The following PCDHGA2 variants were observed in gnomAD, a reference collection of about 807,000 sequenced individuals.
PCDHGA2 encodes protocadherin gamma-A2.
In PCDHGA2, 40 loss-of-function variants were observed where a neutral mutation model predicts 59.2. The observed-to-expected ratio is 0.68, with a 90% confidence interval of 0.52 to 0.88. The LOEUF is 0.88. PCDHGA2 is among the 40% of genes least tolerant of loss of function. The pLI, the probability that PCDHGA2 is intolerant of heterozygous loss-of-function variation, is 0.00. For synonymous variants in PCDHGA2, 560 were observed against 526.0 expected, an observed-to-expected ratio of 1.06 and a Z score of -0.89; for missense variants, 1,226 against 1,204.0, an observed-to-expected ratio of 1.02 and a Z score of -0.27.
At position 141,485,968 on chromosome 5, in the gene PCDHGA2, T is replaced by C; in HGVS notation, c.2425-8839T>C. On this transcript the variant is annotated intron_variant, in intron 1 of 3. Coordinates refer to ENST00000394576, the MANE Select transcript of PCDHGA2 (RefSeq NM_018915.4). The surrounding 1 kb of genome is among the most constrained non-coding windows in gnomAD (Gnocchi z 5.7). The stretch of plus-strand genomic sequence containing the variant: ...CGGGCATGGTGCTCATCCAGCTCAA[T>C]GCCTCAGACCCGGACCTGGGTCCCA... 6.2e-7 allele frequency: 1 copy of C among 1,614,216 alleles called. No homozygotes were observed. The highest frequency in any genetic ancestry group is 1.1e-5 in the South Asian group (1 of 91,088).
chr5:141,397,223 TATG>T lies in PCDHGA2; in HGVS notation c.2424+55830_2424+55832del, dbSNP rs543267212. ...ATGACATAAGAGAAGTATTTTGAGA[TATG>T]AAGAAGAGCAACGTAGTAGGGTATA... is the stretch of plus-strand genomic sequence containing the variant. On this transcript the variant is annotated intron_variant, in intron 1 of 3. Coordinates refer to ENST00000394576, the MANE Select transcript of PCDHGA2 (RefSeq NM_018915.4). Among the ~76,000 whole-genome samples, 432 of 152,304 alleles carry T rather than the reference TATG, an allele frequency of 2.8e-3. 2 individuals carry two copies. Among genetic ancestry groups the T allele is most frequent in the Admixed American group, 9.4e-3 (144 of 15,310 alleles).
Position 141,340,101 on chromosome 5 carries a change from G to C in PCDHGA2, c.1130G>C (p.Gly377Ala). Residue 377 changes from glycine to alanine, a missense_variant, in exon 1 of 4, where the codon GGG (glycine) becomes GCG (alanine). Transcript: ENST00000394576. Reference protein sequence around the residue: ...GLFNVHDRDSGQNAFTTCSLP... With the variant: ...GLFNVHDRDSAQNAFTTCSLP... ...TTTAATGTACATGATAGAGACTCTG[G>C]GCAGAACGCATTCACCACCTGTTCA... is the stretch of plus-strand genomic sequence containing the variant. 6.2e-7 allele frequency: 1 copy of C among 1,614,004 alleles called. No individual in the cohort carries two copies. The highest frequency in any genetic ancestry group is 2.2e-5 in the East Asian group (1 of 44,878).
chr5:141,392,750 G>A lies in PCDHGA2; in HGVS notation c.2424+51355G>A, dbSNP rs561923783. On this transcript the variant is annotated intron_variant, in intron 1 of 3. Coordinates refer to ENST00000394576, the MANE Select transcript of PCDHGA2 (RefSeq NM_018915.4). ...ATTGTCATCTCCATAGCTGCGGCAAGAAACTAAATAAGACCCATTTATGCA... is the reference window on the plus strand; with the variant it reads ...ATTGTCATCTCCATAGCTGCGGCAAAAAACTAAATAAGACCCATTTATGCA... 25 of 1,451,824 alleles carry A rather than the reference G, an allele frequency of 1.7e-5. No homozygotes were observed. In the Admixed American group the frequency reaches 4.2e-4, roughly 24 times the overall value. The allele number at this position is 1,451,824 out of a possible 1,614,324, so 89.9% of individuals were successfully genotyped here.
At chr5:141,506,923 C>T (rs1414595306) in intron 3 of PCDHGA2, among the ~76,000 whole-genome samples, 4 of 152,184 alleles carry the variant, frequency 2.6e-5, no homozygotes, top group African/African-American at 9.7e-5. Context: ...ACATACTAAA[C>T]AAACTTTAGG....
At chr5:141,405,377 G>T (rs763495028) in intron 1 of PCDHGA2, 29 of 1,603,350 alleles carry the variant, frequency 1.8e-5, no homozygotes, top group Admixed American at 3.5e-5. Flanking sequence ...TTTGGTTCCG[G>T]TGAGTTCATT....
chr5:141,372,024 G>C (rs756350888), intron 1 of PCDHGA2: 1 of 1,613,384 alleles, frequency 6.2e-7, no homozygotes, highest in East Asian at 2.2e-5. Context: ...TACGCTCAGC[G>C]CCAACGTGAG....
At chr5:141,366,663 C>A in intron 1 of PCDHGA2, 2 of 1,614,242 alleles carry the variant, frequency 1.2e-6, no homozygotes, top group East Asian at 2.2e-5. Context: ...TACGCAGACA[C>A]GCTCCTTAGT....
At chr5:141,424,668 A>G (rs1561816018) in intron 1 of PCDHGA2, 1 of 152,196 alleles carries the variant, frequency 6.6e-6, no homozygotes, top group Non-Finnish European at 1.5e-5. Flanking sequence ...AATTAAACTG[A>G]TTTAGCTAGT....
At chr5:141,418,817 G>A (rs2154547923) in intron 1 of PCDHGA2, 1 of 1,613,882 alleles carries the variant, frequency 6.2e-7, no homozygotes, top group Non-Finnish European at 8.5e-7. Flanking sequence ...GATAAACATA[G>A]AAGCAAAAGA....
Position 141,431,222 on chromosome 5 carries a change from C to A in PCDHGA2, c.2425-63585C>A. On this transcript the variant is annotated intron_variant, in intron 1 of 3. Transcript: ENST00000394576. The surrounding 1 kb of genome is among the most constrained non-coding windows in gnomAD (Gnocchi z 4.8). ...AGCCACTGAGATGCGGTTCCCTCTA[C>A]CCCACGCCTGGGATCCGGATATCGG... 3 of 1,614,170 alleles carry A rather than the reference C, an allele frequency of 1.9e-6. No individual in the cohort carries two copies. The highest frequency in any genetic ancestry group is 2.5e-6 in the Non-Finnish European group (3 of 1,180,034).
intron 1 of PCDHGA2, chr5:141,351,941 C>A: frequency 1.2e-6 from 2 of 1,613,206 alleles, no homozygotes; most frequent in East Asian, 2.2e-5. Flanking sequence ...GGTGCTGTAC[C>A]CCGCGCTGGG....
chr5:141,493,656 T>C lies in PCDHGA2; in HGVS notation c.2425-1151T>C, dbSNP rs1481871984. Among the ~76,000 whole-genome samples, 1 of 152,184 alleles carries C rather than the reference T, an allele frequency of 6.6e-6. No homozygotes were observed. Among genetic ancestry groups the C allele is most frequent in the African/African-American group, 2.4e-5 (1 of 41,454 alleles). ...CTGAGGGCTGGCCATCCCTGTGCCC[T>C]TCTCCATGGCAGCCCCAGAATGGTG... On this transcript the variant is annotated intron_variant, in intron 1 of 3. Coordinates refer to ENST00000394576, the MANE Select transcript of PCDHGA2 (RefSeq NM_018915.4). The surrounding 1 kb of genome is among the most constrained non-coding windows in gnomAD (Gnocchi z 4.3).
At chr5:141,427,940 C>T (rs1391166364) in intron 1 of PCDHGA2, 1 of 1,585,904 alleles carries the variant, frequency 6.3e-7, no homozygotes. Context: ...TGGTGGGCGA[C>T]CTCAATGACA....
At chr5:141,400,830 T>G (rs1194053653) in intron 1 of PCDHGA2, among the ~76,000 whole-genome samples, 2 of 152,244 alleles carry the variant, frequency 1.3e-5, no homozygotes, top group African/African-American at 2.4e-5. Flanking sequence ...GTTGTCTCAT[T>G]CTTTAACATG....
chr5:141,451,284 G>A (rs950768919), intron 1 of PCDHGA2, among the ~76,000 whole-genome samples: 1 of 152,186 alleles, frequency 6.6e-6, no homozygotes. Context: ...GAGTGCCTCT[G>A]CCTCAAAGTC....
chr5:141,358,336 A>G (rs1207700100), intron 1 of PCDHGA2, among the ~76,000 whole-genome samples: 1 of 152,206 alleles, frequency 6.6e-6, no homozygotes, highest in African/African-American at 2.4e-5. Context: ...CTATTGTTGG[A>G]TCTGGACTGA....
rs1054139403 is a variant in PCDHGA2 at position 141,339,003 on chromosome 5, G to C, written c.32G>C (p.Arg11Thr). 1 of 1,560,328 alleles carries C rather than the reference G, an allele frequency of 6.4e-7. No individual in the cohort carries two copies. Among genetic ancestry groups the C allele is most frequent in the South Asian group, 1.2e-5 (1 of 84,838 alleles). ...GCTCTGCAAAAGTTGCCACACTGCA[G>C]AAAGCTGGTCCTGCTGTGCTTCCTT... is the stretch of plus-strand genomic sequence containing the variant. MAALQKLPHC[R>T]KLVLLCFLLA... The change falls in exon 1 of 4, where the codon AGA (arginine) becomes ACA (threonine). Residue 11 changes from arginine (R) to threonine (T), a missense_variant. Transcript: ENST00000394576.
At position 141,384,872 on chromosome 5, in the gene PCDHGA2, T is replaced by A. The variant is rs773444317; in HGVS notation, c.2424+43477T>A. On this transcript the variant is annotated intron_variant, in intron 1 of 3. Coordinates refer to ENST00000394576, the MANE Select transcript of PCDHGA2 (RefSeq NM_018915.4). ...GGTCAGCCTCCTCTGTCAGCCACCG[T>A]CACACTCACCGTGGCTGTGGCTGAC... is the stretch of plus-strand genomic sequence containing the variant. 1.9e-6 allele frequency: 3 copies of A among 1,613,766 alleles called. No individual in the cohort carries two copies. The highest frequency in any genetic ancestry group is 2.5e-6 in the Non-Finnish European group (3 of 1,179,946).
chr5:141,409,750 G>T, intron 1 of PCDHGA2: 1 of 1,613,016 alleles, frequency 6.2e-7, no homozygotes, highest in South Asian at 1.1e-5. Context: ...TGGTGTTCGC[G>T]CAGCGCGCCT....
Sources: allele counts gnomAD v4.1 joint callset (sites outside exome capture counted in the v4.1 genomes callset), GRCh38; gene constraint gnomAD v4.1.1; non-coding constraint Gnocchi (gnomAD v3.1); transcripts MANE v1.5; gene names NCBI Gene and HGNC (gene_info 2026-07-23, HGNC 2026-07-21).